Variants in CRIP3 observed in about 807,000 individuals in gnomAD.
CRIP3 encodes cysteine rich protein 3, also known as cysteine-rich protein 3.
A neutral mutation model predicts 30.3 loss-of-function variants in CRIP3; 23 were observed. The ratio of observed to expected loss-of-function variants is 0.76; its 90% CI spans 0.55 to 1.08. The LOEUF (loss-of-function observed/expected upper bound fraction) is 1.08. Ranked by LOEUF, CRIP3 falls within the 50% of genes least tolerant of loss-of-function variation. The pLI, the probability that CRIP3 is intolerant of heterozygous loss-of-function variation, is 0.00. For synonymous variants in CRIP3, 89 were observed against 97.6 expected (o/e 0.91, Z 0.52); for missense variants, 261 against 259.3 (o/e 1.01, Z -0.04).
rs1193559726 is a variant in CRIP3, at chr6:43,305,563, G to A, written c.*251C>T. Reference sequence around the variant, plus strand: ...ACCTTGAAGCTCCAGAATGTGCTGGGGAAAGGGGTTGTGATGGCCAGGAGG... The same window carrying A: ...ACCTTGAAGCTCCAGAATGTGCTGGAGAAAGGGGTTGTGATGGCCAGGAGG... On this transcript the variant is annotated 3_prime_UTR_variant, in exon 8 of 8. Transcript: ENST00000372569. The A allele has an allele frequency of 5.3e-6, 3 of 567,248 alleles. No homozygotes were observed. The highest frequency in any genetic ancestry group is 3.0e-5 in the East Asian group (1 of 32,900). The allele number at this position is 567,248 out of a possible 1,614,324, so 35.1% of individuals were successfully genotyped here.
chr6:43,308,702 C>T (rs201887101), intron 1 of CRIP3, 48 bp downstream of exon 1: 6 of 1,609,508 alleles, frequency 3.7e-6, no homozygotes, highest in Admixed American at 1.7e-5. Context: ...GGGAATCCAG[C>T]GGCTCCCATT....
chr6:43,305,924 G>T (rs1390340669), intron 7 of CRIP3, 49 bp from the exon 8 acceptor site: 1 of 1,613,602 alleles, frequency 6.2e-7, no homozygotes, highest in East Asian at 2.2e-5. Context: ...GTGGTGCAGG[G>T]TTCAGGCCTA....
At chr6:43,308,685 G>T in intron 1 of CRIP3, 65 bp downstream of exon 1, 1 of 1,592,688 alleles carries the variant, frequency 6.3e-7, no homozygotes, top group Non-Finnish European at 8.6e-7. Flanking sequence ...AGCCCTCCGC[G>T]TCCTCAGGGA....
Position 43,305,950 on chromosome 6 carries a change from G to T in CRIP3, c.554-75C>A, listed in dbSNP as rs758075887. The T allele has an allele frequency of 7.4e-6, 12 of 1,611,374 alleles. No individual in the cohort carries two copies. The Admixed American group carries it at 1.0e-4, about 14-fold the overall frequency. ...TTCAGGCCTAGAGGGAACTTGGTGG[G>T]GGGGCCAGGGTATGCTTAACCACAG... is the stretch of plus-strand genomic sequence containing the variant. On this transcript the variant is annotated intron_variant, in intron 7 of 7. Coordinates refer to ENST00000372569, the MANE Select transcript of CRIP3 (RefSeq NM_206922.3).
chr6:43,308,200 G>T lies in CRIP3; in HGVS notation c.138+115C>A, dbSNP rs1778986515. On this transcript the variant is annotated intron_variant, in intron 2 of 7. Transcript: ENST00000372569. ...GGGGTCCACCAGGTGGGCGGCCTTG[G>T]GGTTGGCTACTGAGGTTCCCTTTGG... The T allele has an allele frequency of 3.1e-6, 3 of 954,322 alleles. No individual in the cohort carries two copies. In the Admixed American group the frequency reaches 7.3e-5, roughly 23 times the overall value. The allele number at this position is 954,322 out of a possible 1,614,324, so 59.1% of individuals were successfully genotyped here.
At position 43,306,935 on chromosome 6, in the gene CRIP3, A is replaced by G. The variant is rs1778947825; in HGVS notation, c.329-418T>C. ...GAGGAGAAAAGTTGAAGAATATGAGAGGCTGGCCTTATCCCAATGACTCCT... is the reference window on the plus strand; with the variant it reads ...GAGGAGAAAAGTTGAAGAATATGAGGGGCTGGCCTTATCCCAATGACTCCT... On this transcript the variant is annotated intron_variant, in intron 4 of 7. Coordinates refer to ENST00000372569, the MANE Select transcript of CRIP3 (RefSeq NM_206922.3). The G allele has an allele frequency of 2.3e-5, 4 of 175,968 alleles. No individual in the cohort carries two copies. The South Asian group carries it at 5.3e-4, about 23-fold the overall frequency. The allele number at this position is 175,968 out of a possible 1,614,324, so 10.9% of individuals were successfully genotyped here.
Position 43,307,702 on chromosome 6 carries a change from G to A in CRIP3, c.238C>T (p.Pro80Ser). 6.4e-7 allele frequency: 1 copy of A among 1,554,250 alleles called. No homozygotes were observed. Among genetic ancestry groups the A allele is most frequent in the East Asian group, 2.3e-5 (1 of 42,876 alleles). ...GGVGSYLYNP[P>S]TPSPGCTTPL... ...GTGGTGCAGCCAGGGCTGGGAGTGG[G>A]GGGATTGTACAAGTAGGAGCCTACA... The change falls in exon 4 of 8, where the codon CCC becomes TCC. Residue 80 changes from proline (P) to serine (S), a missense_variant. Coordinates refer to ENST00000372569, the MANE Select transcript of CRIP3 (RefSeq NM_206922.3).
chr6:43,307,576 GGGA>G (rs771406786), intron 4 of CRIP3, 33 bp downstream of exon 4: 2 of 1,402,190 alleles, frequency 1.4e-6, no homozygotes, highest in Non-Finnish European at 1.9e-6. Flanking sequence ...GGGAAGGGTC[GGGA>G]GGAGGACTGG....
chr6:43,308,130 G>T (rs1020598887), intron 2 of CRIP3, among the ~76,000 whole-genome samples, 185 bp downstream of exon 2: 1 of 152,082 alleles, frequency 6.6e-6, no homozygotes, highest in Admixed American at 6.5e-5. Context: ...CCAAAACCAT[G>T]GGATCCACAG....
Position 43,305,769 on chromosome 6 carries a change from G to T in CRIP3, c.*45C>A. On this transcript the variant is annotated 3_prime_UTR_variant, in exon 8 of 8. Transcript: ENST00000372569. ...TGTAGCTTCCATTGGACCATGAGGG[G>T]CATGATGGGAGGCCTGAGTTAGGGT... 6.2e-7 allele frequency: 1 copy of T among 1,608,524 alleles called. No homozygotes were observed. The highest frequency in any genetic ancestry group is 8.5e-7 in the Non-Finnish European group (1 of 1,175,174).
At chr6:43,308,486 C>G (rs1417248438) in intron 1 of CRIP3, 77 bp from the exon 2 acceptor site, 11 of 1,337,726 alleles carry the variant, frequency 8.2e-6, no homozygotes, top group Admixed American at 1.9e-5. Context: ...CTTCGGCCCT[C>G]TAGGGAATTA....
rs1426876663 is a variant in CRIP3 at position 43,307,847 on chromosome 6, C to G, written c.188G>C (p.Gly63Ala). Residue 63 changes from glycine to alanine, a missense_variant, in exon 3 of 8, where the codon GGA (glycine) becomes GCA (alanine). Physicochemically the swap from Gly to Ala is moderately conservative, Grantham distance 60. Transcript: ENST00000372569. ...TTAAGGCTGGTACTTACCCCTGGGT[C>G]CAAAGAGAGCCCCATAGCATGGCTT... ...CHKPCYGALF[G>A]PRGVNIGGVG... The G allele has an allele frequency of 1.2e-6, 2 of 1,614,030 alleles. No homozygotes were observed. Among genetic ancestry groups the G allele is most frequent in the Non-Finnish European group, 1.7e-6 (2 of 1,180,012 alleles).
chr6:43,306,088 C>T lies in CRIP3; in HGVS notation c.532G>A (p.Gly178Ser), dbSNP rs1004761361. 1.9e-5 allele frequency: 30 copies of T among 1,613,594 alleles called. No individual in the cohort carries two copies. The highest frequency in any genetic ancestry group is 2.3e-5 in the Non-Finnish European group (27 of 1,179,824). Residue 178 changes from glycine (G) to serine (S), a missense_variant, in exon 7 of 8, where the codon GGC becomes AGC. Coordinates refer to ENST00000372569, the MANE Select transcript of CRIP3 (RefSeq NM_206922.3). ...CCACCTTTGGGGCCAAACAGGTAGC[C>T]GTAGCAGGGGACGTGGCAGTAGGGG... ...GVPYCHVPCY[G>S]YLFGPKGVNI...
In CRIP3 at chr6:43,307,761, G is replaced by A; in HGVS notation, c.197-18C>T. The A allele has an allele frequency of 6.2e-7, 1 of 1,604,984 alleles. No individual in the cohort carries two copies. The highest frequency in any genetic ancestry group is 8.5e-7 in the Non-Finnish European group (1 of 1,173,510). ...GTTCACCCCTGAAGAGAGAATAGGG[G>A]AGGTCAGGCTTGAGCCCCCAGCTCC... On this transcript the variant is annotated intron_variant, in intron 3 of 7. Coordinates refer to ENST00000372569, the MANE Select transcript of CRIP3 (RefSeq NM_206922.3).
intron 4 of CRIP3, chr6:43,307,407 C>T (rs1778965511): frequency 2.4e-6 from 1 of 415,374 alleles, no homozygotes; most frequent in Non-Finnish European, 4.0e-6. Flanking sequence ...CAACAATTTA[C>T]CTCTTAACTC....
chr6:43,305,883 A>G lies in CRIP3; in HGVS notation c.554-8T>C. 1 of 1,614,150 alleles carries G rather than the reference A, an allele frequency of 6.2e-7. No homozygotes were observed. The highest frequency in any genetic ancestry group is 8.5e-7 in the Non-Finnish European group (1 of 1,180,012). On this transcript the variant is annotated splice_region_variant and splice_polypyrimidine_tract_variant and intron_variant, in intron 7 of 7. Coordinates refer to ENST00000372569, the MANE Select transcript of CRIP3 (RefSeq NM_206922.3). Reference sequence around the variant, plus strand: ...CATCGCCAATGTTCACACCTGAGAGAGAGAGCCCTATCACCAAAGGCCCTG... The same window carrying G: ...CATCGCCAATGTTCACACCTGAGAGGGAGAGCCCTATCACCAAAGGCCCTG...
intron 4 of CRIP3, 111 bp from the exon 5 acceptor site, chr6:43,306,628 AC>A: frequency 1.1e-6 from 1 of 920,724 alleles, no homozygotes; most frequent in Non-Finnish European, 1.6e-6. Flanking sequence ...AGAGTGCCCC[AC>A]CCAGGCGCCC....
chr6:43,307,132 C>CTTTTTTTTTTTTTTTTT (rs57187463), intron 4 of CRIP3: 1 of 54,384 alleles, frequency 1.8e-5, no homozygotes, highest in Non-Finnish European at 3.4e-5. Flanking sequence ...CAATTAACCT[C>CTTTTTTTTTTTTTTTTT]TTTTTTTTTT....
Position 43,308,732 on chromosome 6 carries a change from C to G in CRIP3, c.43+18G>C. On this transcript the variant is annotated intron_variant, in intron 1 of 7. Transcript: ENST00000372569. ...CCCATTCGCCCCATCTTCTCCCCCT[C>G]CGCAGCCCGGGCCTCACCGAAGAAA... 6.2e-7 allele frequency: 1 copy of G among 1,614,056 alleles called. No homozygotes were observed. Among genetic ancestry groups the G allele is most frequent in the Non-Finnish European group, 8.5e-7 (1 of 1,180,028 alleles).
Sources: gnomAD v4.1 joint callset for allele counts (sites outside exome capture counted in the v4.1 genomes callset) on GRCh38, gnomAD v4.1.1 for gene constraint, MANE v1.5 for transcripts, NCBI Gene and HGNC (gene_info 2026-07-23, HGNC 2026-07-21) for gene names.